KIDINS220: variants seen among roughly 807,000 people sequenced by gnomAD.
KIDINS220 encodes kinase D interacting substrate 220.
KIDINS220 carries 63 observed loss-of-function variants against 157.6 expected under a neutral mutation model. The ratio of observed to expected loss-of-function variants is 0.40; its 90% confidence interval spans 0.33 to 0.49. The LOEUF is 0.49. KIDINS220 is among the 20% of genes least tolerant of loss of function. The pLI is 0.66. For synonymous variants in KIDINS220, 732 were observed against 783.6 expected (o/e 0.93, Z 1.10); for missense variants, 1,772 against 2,171.2 (o/e 0.82, Z 3.65).
chr2:8,730,489 T>C lies in KIDINS220; in HGVS notation c.*231A>G, dbSNP rs550003151. The C allele has an allele frequency of 2.1e-6, 3 of 1,401,060 alleles. No individual in the cohort carries two copies. The highest frequency in any genetic ancestry group is 1.4e-5 in the African/African-American group (1 of 69,342). The allele number at this position is 1,401,060 out of a possible 1,614,324, so 86.8% of individuals were successfully genotyped here. ...AATGCGCCAATGAAAGGTACAGTAG[T>C]ATTAGTGAGTTCTGAAGCTTCTAAT... is the stretch of plus-strand genomic sequence containing the variant. On this transcript the variant is annotated 3_prime_UTR_variant, in exon 30 of 30. Coordinates refer to ENST00000256707, the MANE Select transcript of KIDINS220 (RefSeq NM_020738.4).
intron 13 of KIDINS220, 81 bp downstream of exon 13, chr2:8,790,979 G>A (rs1437247688): frequency 1.6e-5 from 21 of 1,289,496 alleles, no homozygotes; most frequent in Non-Finnish European, 2.3e-5. Flanking sequence ...TACAGAAAGT[G>A]GTCTTCCTCT....
chr2:8,825,974 C>G (rs1678733588), intron 2 of KIDINS220: 1 of 152,030 alleles, frequency 6.6e-6, no homozygotes, highest in Admixed American at 6.5e-5. Context: ...GTCCCAACTA[C>G]TCGGGAGGCT....
chr2:8,766,802 T>G (rs562233515), intron 22 of KIDINS220, among the ~76,000 whole-genome samples: 2 of 152,312 alleles, frequency 1.3e-5, no homozygotes, highest in African/African-American at 4.8e-5. Flanking sequence ...CATTGTTTTC[T>G]CCACACAACA....
At chr2:8,759,793 G>A (rs1572535703) in intron 22 of KIDINS220, among the ~76,000 whole-genome samples, 1 of 152,196 alleles carries the variant, frequency 6.6e-6, no homozygotes, top group Admixed American at 6.5e-5. Flanking sequence ...GAAGAATTGA[G>A]AGGGAATTTT....
chr2:8,809,671 A>T (rs1360719608), intron 6 of KIDINS220, among the ~76,000 whole-genome samples: 3 of 151,398 alleles, frequency 2.0e-5, no homozygotes, highest in Non-Finnish European at 4.4e-5. Context: ...CTAGTAGGAC[A>T]CCTTCAACTA....
rs76581861 is a variant in KIDINS220, at chr2:8,733,576, G to A, written c.3921C>T (p.Arg1307=). ...TGTGAGGCAGCTCGTTGTGGGAAGC[G>A]CGGCGAGCAGGCTCACCGTGCGGGG... ...GPAPHGEPAR[R]ASHNELPHTE... Residue 1307 remains arginine (R), a synonymous_variant, in exon 29 of 30, where the codon CGC becomes CGT. Coordinates refer to ENST00000256707, the MANE Select transcript of KIDINS220 (RefSeq NM_020738.4). The A allele has an allele frequency of 1.8e-3, 2,955 of 1,614,066 alleles. 54 individuals are homozygous for A. The African/African-American group carries it at 0.035, about 19-fold the overall frequency.
chr2:8,811,376 C>T (rs1676290571), intron 6 of KIDINS220, among the ~76,000 whole-genome samples: 1 of 151,696 alleles, frequency 6.6e-6, no homozygotes, highest in Non-Finnish European at 1.5e-5. Context: ...TCAATCATTA[C>T]AAGGCAATAG....
chr2:8,748,047 G>A (rs754016830), intron 24 of KIDINS220, 47 bp from the exon 25 acceptor site: 4 of 1,107,248 alleles, frequency 3.6e-6, no homozygotes, highest in South Asian at 1.9e-5. Flanking sequence ...TTACAGAAAT[G>A]AAAGTGTAAT....
chr2:8,789,802 TAAAG>T (rs554930071), intron 14 of KIDINS220, 74 bp downstream of exon 14: 105 of 1,111,678 alleles, frequency 9.4e-5, no homozygotes, highest in Middle Eastern at 5.9e-4. Flanking sequence ...AAAAGACAGA[TAAAG>T]AAAATGTTTT....
chr2:8,800,481 C>T lies in KIDINS220; in HGVS notation c.819G>A (p.Leu273=). 6.2e-7 allele frequency: 1 copy of T among 1,612,214 alleles called. No homozygotes were observed. The highest frequency in any genetic ancestry group is 8.5e-7 in the Non-Finnish European group (1 of 1,179,168). ...NIPDRSGDTV[L]IGAVRGGHVE... ...CATGACCACCTCTGACAGCGCCAAT[C>T]AACACAGTATCCCCACTCTAAGAAG... is the stretch of plus-strand genomic sequence containing the variant. The change falls in exon 9 of 30, where the codon TTG becomes TTA. Residue 273 remains leucine (L), a synonymous_variant. Transcript: ENST00000256707.
chr2:8,815,199 A>C (rs1410569316), intron 4 of KIDINS220, among the ~76,000 whole-genome samples: 1 of 152,034 alleles, frequency 6.6e-6, no homozygotes, highest in East Asian at 1.9e-4. Flanking sequence ...TCAGGAGTTC[A>C]AGACCAGCCT....
intron 22 of KIDINS220, among the ~76,000 whole-genome samples, chr2:8,759,707 G>C (rs542915999): frequency 6.6e-6 from 1 of 151,882 alleles, no homozygotes; most frequent in South Asian, 2.1e-4. Flanking sequence ...CGAATGTTCT[G>C]AGGAAGGTAC....
At chr2:8,757,841 C>T in intron 22 of KIDINS220, 1 of 1,408,348 alleles carries the variant, frequency 7.1e-7, no homozygotes, top group East Asian at 2.3e-5. Flanking sequence ...AAATCCTGGA[C>T]TTGGAATTCT....
intron 4 of KIDINS220, among the ~76,000 whole-genome samples, chr2:8,815,139 G>C (rs1676875515): frequency 6.6e-6 from 1 of 152,162 alleles, no homozygotes; most frequent in Non-Finnish European, 1.5e-5. Context: ...GGTGGCTCAT[G>C]CCTGTAATGC....
At position 8,791,085 on chromosome 2, in the gene KIDINS220, T is replaced by C. The variant is rs189358504; in HGVS notation, c.1416A>G (p.Lys472=). ...VGLYAQWGSG[K]SFLLKKLEDE... is the part of the protein sequence containing the mutation. ...CTTCTAGTTTCTTGAGTAAGAAAGATTTCCCACTTCCCCACTGTGCATATA... is the reference window on the plus strand; with the variant it reads ...CTTCTAGTTTCTTGAGTAAGAAAGACTTCCCACTTCCCCACTGTGCATATA... Residue 472 remains lysine, a synonymous_variant, in exon 13 of 30, where the codon AAA becomes AAG. Coordinates refer to ENST00000256707, the MANE Select transcript of KIDINS220 (RefSeq NM_020738.4). 5 of 1,613,530 alleles carry C rather than the reference T, an allele frequency of 3.1e-6. No individual in the cohort carries two copies. The highest frequency in any genetic ancestry group is 4.5e-5 in the East Asian group (2 of 44,868).
intron 22 of KIDINS220, among the ~76,000 whole-genome samples, chr2:8,767,429 A>G (rs2148142245): frequency 6.6e-6 from 1 of 152,348 alleles, no homozygotes; most frequent in African/African-American, 2.4e-5. Flanking sequence ...AGTATCTCAA[A>G]AACTAAAGAG....
In KIDINS220 at chr2:8,750,310, G is replaced by T. The variant is rs376785899; in HGVS notation, c.3216C>A (p.Ile1072=). The T allele has an allele frequency of 1.4e-4, 222 of 1,594,412 alleles. No homozygotes were observed. The Middle Eastern group carries it at 1.9e-3, about 14-fold the overall frequency. ...IADVRAAREQ[I]SIGGLAYPPL... Reference sequence around the variant, plus strand: ...GGGGGTACGCCAGTCCTCCAATACTGATCTGCTCTCTGGCAGCACGAACAT... The same window carrying T: ...GGGGGTACGCCAGTCCTCCAATACTTATCTGCTCTCTGGCAGCACGAACAT... Residue 1072 remains isoleucine (I), a synonymous_variant, in exon 24 of 30, where the codon ATC becomes ATA. Coordinates refer to ENST00000256707, the MANE Select transcript of KIDINS220 (RefSeq NM_020738.4).
chr2:8,768,917 A>G (rs967523921), intron 22 of KIDINS220, among the ~76,000 whole-genome samples: 2 of 152,182 alleles, frequency 1.3e-5, no homozygotes, highest in East Asian at 3.8e-4. Context: ...ATTGCTTACT[A>G]TATTTTTTCT....
At chr2:8,727,690 G>A (rs1663471286), downstream of KIDINS220, among the ~76,000 whole-genome samples, 2 of 152,076 alleles carry the variant, frequency 1.3e-5, no homozygotes, top group African/African-American at 2.4e-5. Flanking sequence ...TAGCATTTTC[G>A]CAAGTAAGTT....
Sources: gnomAD v4.1 joint callset for allele counts (sites outside exome capture counted in the v4.1 genomes callset) on GRCh38, gnomAD v4.1.1 for gene constraint, MANE v1.5 for transcripts, NCBI Gene and HGNC (gene_info 2026-07-23, HGNC 2026-07-21) for gene names.